SPOCK1: variants seen among roughly 807,000 people sequenced by gnomAD.
SPOCK1 encodes testican-1.
In SPOCK1, 23 loss-of-function variants were observed where a neutral mutation model predicts 55.3. The ratio of observed to expected loss-of-function variants is 0.42; its 90% CI spans 0.30 to 0.59. The LOEUF (loss-of-function observed/expected upper bound fraction) is 0.59. Among genes scored for constraint, SPOCK1 ranks in the 20% least tolerant of loss-of-function variants. The probability of loss-of-function intolerance (pLI) is 0.22; values close to 1 mark genes in which losing one functional copy is unlikely to be tolerated. For synonymous variants in SPOCK1, 226 were observed against 221.0 expected (o/e 1.02, Z -0.20); for missense variants, 499 against 552.5 (o/e 0.90, Z 0.97).
intron 2 of SPOCK1, among the ~76,000 whole-genome samples, chr5:137,283,829 G>A (rs988856): frequency 0.12 from 17,581 of 152,174 alleles, 1,304 homozygotes; most frequent in East Asian, 0.24. Flanking sequence ...GAGCATAGTC[G>A]ATGTGAAAAC....
Position 137,311,647 on chromosome 5 carries a change from T to C in SPOCK1, c.187-44592A>G, listed in dbSNP as rs554595201. The stretch of plus-strand genomic sequence containing the variant: ...GCACATGTGTACACTTTTATTGACT[T>C]TTCTCCTTTTGATAAATATCATGTA... On this transcript the variant is annotated intron_variant, in intron 2 of 10. Transcript: ENST00000394945. Among the ~76,000 whole-genome samples the C allele has an allele frequency of 3.9e-5, 6 of 152,310 alleles. No homozygotes were observed. In the South Asian group the frequency reaches 1.2e-3, roughly 32 times the overall value.
At chr5:137,177,037 A>C (rs1754867279) in intron 3 of SPOCK1, among the ~76,000 whole-genome samples, 1 of 152,130 alleles carries the variant, frequency 6.6e-6, no homozygotes, top group Non-Finnish European at 1.5e-5. Flanking sequence ...GCACCCAAAA[A>C]CTGGGACTGT....
At chr5:137,092,607 G>T (rs1023508564) in intron 5 of SPOCK1, among the ~76,000 whole-genome samples, 2 of 152,284 alleles carry the variant, frequency 1.3e-5, no homozygotes, top group Non-Finnish European at 2.9e-5. Context: ...CTTCTGAACT[G>T]GGAATTCCAT....
chr5:137,222,502 T>A (rs1054847978), intron 3 of SPOCK1, among the ~76,000 whole-genome samples: 1 of 152,156 alleles, frequency 6.6e-6, no homozygotes, highest in African/African-American at 2.4e-5. Context: ...TCCTGGATAA[T>A]CAGACTCTTA....
At position 137,458,345 on chromosome 5, in the gene SPOCK1, C is replaced by G. The variant is rs1034799785; in HGVS notation, c.186+40028G>C. 4.8e-4 allele frequency among the ~76,000 whole-genome samples: 73 copies of G among 152,116 alleles called. 3 individuals carry two copies. The highest frequency in any genetic ancestry group is 7.2e-5 in the African/African-American group (3 of 41,428). ...AAACAAAACAAAACAAAAGAAAAAGCCAAGAGTTGACACTATTTTCTAAAT... is the reference window on the plus strand; with the variant it reads ...AAACAAAACAAAACAAAAGAAAAAGGCAAGAGTTGACACTATTTTCTAAAT... On this transcript the variant is annotated intron_variant, in intron 2 of 10. Coordinates refer to ENST00000394945, the MANE Select transcript of SPOCK1 (RefSeq NM_004598.4).
chr5:137,117,650 T>C (rs1753613754), intron 4 of SPOCK1, among the ~76,000 whole-genome samples: 1 of 152,074 alleles, frequency 6.6e-6, no homozygotes, highest in Non-Finnish European at 1.5e-5. Context: ...AAGACAAAAA[T>C]GGTGTGTTGT....
At chr5:137,177,079 G>A (rs900156549) in intron 3 of SPOCK1, among the ~76,000 whole-genome samples, 1 of 152,114 alleles carries the variant, frequency 6.6e-6, no homozygotes, top group Admixed American at 6.6e-5. Context: ...CCCTAGACAC[G>A]AAAGGAATTA....
At chr5:137,315,503 G>A (rs1757863104) in intron 2 of SPOCK1, among the ~76,000 whole-genome samples, 2 of 152,172 alleles carry the variant, frequency 1.3e-5, no homozygotes, top group Admixed American at 1.3e-4. Flanking sequence ...AGGAGCAACT[G>A]AGCACTTTAC....
chr5:137,163,217 G>C (rs1754591106), intron 3 of SPOCK1, among the ~76,000 whole-genome samples: 1 of 152,170 alleles, frequency 6.6e-6, no homozygotes, highest in South Asian at 2.1e-4. Flanking sequence ...TATATACCAA[G>C]CACTGGTTTT....
chr5:137,151,148 T>C (rs1754311555), intron 3 of SPOCK1, among the ~76,000 whole-genome samples: 1 of 150,486 alleles, frequency 6.6e-6, no homozygotes, highest in Non-Finnish European at 1.5e-5. Context: ...TTATATTTTG[T>C]ATTTTGTAAT....
At chr5:137,287,921 C>T (rs1757298265) in intron 2 of SPOCK1, among the ~76,000 whole-genome samples, 1 of 152,052 alleles carries the variant, frequency 6.6e-6, no homozygotes, top group Non-Finnish European at 1.5e-5. Flanking sequence ...ATACTATTTT[C>T]AAGTTAAATG....
At chr5:136,998,023 G>A (rs1010509435) in intron 6 of SPOCK1, among the ~76,000 whole-genome samples, 3 of 152,136 alleles carry the variant, frequency 2.0e-5, no homozygotes, top group African/African-American at 7.2e-5. Context: ...GTGTAATAAA[G>A]CTTAGCTCAT....
At chr5:137,110,136 T>C (rs17703466) in intron 5 of SPOCK1, among the ~76,000 whole-genome samples, 24,730 of 152,142 alleles carry the variant, frequency 0.16, 2,502 homozygotes, top group East Asian at 0.37. Context: ...TTAGTAACGA[T>C]AGTGGCAAGG....
At chr5:137,465,205 T>C (rs575831122) in intron 2 of SPOCK1, among the ~76,000 whole-genome samples, 8 of 152,252 alleles carry the variant, frequency 5.3e-5, no homozygotes, top group African/African-American at 1.9e-4. Context: ...AACACATTTC[T>C]CCAAATTTAG....
intron 4 of SPOCK1, among the ~76,000 whole-genome samples, chr5:137,114,105 C>A (rs1417768382): frequency 2.0e-5 from 3 of 152,134 alleles, no homozygotes; most frequent in Non-Finnish European, 4.4e-5. Context: ...CAACAGGTAC[C>A]CACAGCACAG....
intron 2 of SPOCK1, among the ~76,000 whole-genome samples, chr5:137,418,284 T>C (rs1005300495): frequency 2.6e-5 from 4 of 152,166 alleles, no homozygotes; most frequent in African/African-American, 9.7e-5. Context: ...TGTGTCTTTA[T>C]AGCAGCATGA....
chr5:137,155,734 G>A (rs1210390605), intron 3 of SPOCK1, among the ~76,000 whole-genome samples: 1 of 152,166 alleles, frequency 6.6e-6, no homozygotes, highest in African/African-American at 2.4e-5. Flanking sequence ...ATGGACAATC[G>A]TTTTTTAAAT....
At chr5:137,321,045 T>C (rs1209588561) in intron 2 of SPOCK1, among the ~76,000 whole-genome samples, 1 of 151,968 alleles carries the variant, frequency 6.6e-6, no homozygotes, top group Non-Finnish European at 1.5e-5. Context: ...AAGAGTATTT[T>C]TTAACCAAAG....
At chr5:136,988,704 T>A in intron 7 of SPOCK1, 61 bp from the exon 8 acceptor site, 1 of 1,482,780 alleles carries the variant, frequency 6.7e-7, no homozygotes, top group South Asian at 1.4e-5. Flanking sequence ...CCCTGCTCAC[T>A]CCCCAGCTTT....
Sources: allele counts gnomAD v4.1 joint callset (sites outside exome capture counted in the v4.1 genomes callset), GRCh38; gene constraint gnomAD v4.1.1; transcripts MANE v1.5; gene names NCBI Gene and HGNC (gene_info 2026-07-23, HGNC 2026-07-21).